The following ARHGAP29 variants were observed in gnomAD, a reference collection of about 807,000 sequenced individuals.
ARHGAP29 encodes the protein Rho GTPase activating protein 29.
ARHGAP29 carries 43 observed loss-of-function variants against 122.6 expected under a neutral mutation model. That is an observed-to-expected ratio of 0.35 (90% CI 0.27 to 0.45). The LOEUF (loss-of-function observed/expected upper bound fraction) is 0.45, where lower values mean the gene tolerates loss of function less well. Ranked by LOEUF, ARHGAP29 falls within the 20% of genes least tolerant of loss-of-function variation. ARHGAP29 has a pLI of 1.00. For missense variants in ARHGAP29, 1,303 were observed against 1,477.2 expected, an observed-to-expected ratio of 0.88 and a Z score of 1.93; for synonymous variants, 506 against 497.1, an observed-to-expected ratio of 1.02 and a Z score of -0.24.
chr1:94,200,702 A>G (rs980843564), intron 12 of ARHGAP29, among the ~76,000 whole-genome samples: 2 of 152,238 alleles, frequency 1.3e-5, no homozygotes, highest in Non-Finnish European at 2.9e-5. Flanking sequence ...ATTCTGCAAT[A>G]AAAAGAAACA....
At chr1:94,179,703 T>C in intron 20 of ARHGAP29, 22 bp downstream of exon 20, 1 of 1,475,982 alleles carries the variant, frequency 6.8e-7, no homozygotes, top group Non-Finnish European at 9.3e-7. Context: ...TAATAAATGT[T>C]CTAGTTATAT....
At chr1:94,223,924 C>G (rs1403127700) in intron 2 of ARHGAP29, among the ~76,000 whole-genome samples, 2 of 152,060 alleles carry the variant, frequency 1.3e-5, no homozygotes, top group African/African-American at 4.8e-5. Flanking sequence ...TCTTCTGCCT[C>G]AGCCTCCCAA....
chr1:94,212,746 C>T (rs1651721672), intron 3 of ARHGAP29, among the ~76,000 whole-genome samples: 1 of 152,128 alleles, frequency 6.6e-6, no homozygotes, highest in African/African-American at 2.4e-5. Context: ...ATTCCTATTC[C>T]TAATGCCTTG....
the ARHGAP29 span, among the ~76,000 whole-genome samples, chr1:94,314,473 T>C: frequency 1.3e-5 from 2 of 152,188 alleles, no homozygotes; most frequent in Non-Finnish European, 2.9e-5. Context: ...CAGGTCTTTC[T>C]CATTTATAAC....
chr1:94,194,285 T>C (rs1281908148), intron 12 of ARHGAP29: 1 of 152,210 alleles, frequency 6.6e-6, no homozygotes, highest in Non-Finnish European at 1.5e-5. Flanking sequence ...TTCAGGTAAC[T>C]AGTAATCTCA....
chr1:94,303,916 G>A, the ARHGAP29 span, among the ~76,000 whole-genome samples: 1 of 152,134 alleles, frequency 6.6e-6, no homozygotes, highest in Non-Finnish European at 1.5e-5. Context: ...TTTAAATATT[G>A]CTTTGATTAT....
At chr1:94,206,822 G>C (rs1286985098) in intron 5 of ARHGAP29, among the ~76,000 whole-genome samples, 2 of 149,274 alleles carry the variant, frequency 1.3e-5, no homozygotes, top group Non-Finnish European at 3.0e-5. Context: ...TTTGAAATTA[G>C]AAGATGGAGG....
intron 1 of ARHGAP29, among the ~76,000 whole-genome samples, chr1:94,252,213 A>G (rs1654124015): frequency 6.6e-6 from 1 of 152,202 alleles, no homozygotes. Context: ...TGACTTCACC[A>G]AATCTTTATC....
At position 94,174,220 on chromosome 1, in the gene ARHGAP29, A is replaced by G; in HGVS notation, c.3435T>C (p.Asp1145=). ...CTCTGACAGGAGCGAGAGGGTAGGA[A>G]TCTGAAGACCGTCTCTCAGATGCCT... ...VREASERRSS[D]SYPLAPVRAP... The change falls in exon 23 of 23, where the codon GAT becomes GAC. Residue 1145 remains aspartate (D), a synonymous_variant. Coordinates refer to ENST00000260526, the MANE Select transcript of ARHGAP29 (RefSeq NM_004815.4). The G allele has an allele frequency of 6.2e-7, 1 of 1,614,192 alleles. No homozygotes were observed.
chr1:94,181,085 A>G (rs148215639), intron 19 of ARHGAP29, among the ~76,000 whole-genome samples: 1 of 152,212 alleles, frequency 6.6e-6, no homozygotes, highest in Non-Finnish European at 1.5e-5. Context: ...CAGGACTGAG[A>G]GAATAGGAGA....
chr1:94,174,862 A>G, intron 22 of ARHGAP29, 113 bp from the exon 23 acceptor site: 1 of 1,195,538 alleles, frequency 8.4e-7, no homozygotes, highest in Non-Finnish European at 1.2e-6. Context: ...TATTTTTTCC[A>G]AAATAATATT....
the ARHGAP29 span, among the ~76,000 whole-genome samples, chr1:94,312,355 GT>G: frequency 0.09 from 8,029 of 88,770 alleles, 159 homozygotes; most frequent in African/African-American, 0.14. Context: ...ATTTTTATTT[GT>G]TTTTTTTTTT....
the ARHGAP29 span, among the ~76,000 whole-genome samples, chr1:94,297,991 G>A: frequency 6.6e-6 from 1 of 152,172 alleles, no homozygotes; most frequent in African/African-American, 2.4e-5. Context: ...CTCCTTCTGA[G>A]AAAGCTATCG....
At chr1:94,291,176 C>T in the ARHGAP29 span, among the ~76,000 whole-genome samples, 1 of 152,158 alleles carries the variant, frequency 6.6e-6, no homozygotes, top group East Asian at 1.9e-4. Flanking sequence ...TATGTAATGG[C>T]CTTCTTTGTC....
chr1:94,289,741 T>C, the ARHGAP29 span, among the ~76,000 whole-genome samples: 1 of 152,184 alleles, frequency 6.6e-6, no homozygotes, highest in Non-Finnish European at 1.5e-5. Flanking sequence ...CTGCATCTAT[T>C]GAGATAATCA....
At chr1:94,245,867 T>C (rs1011762220) in intron 1 of ARHGAP29, among the ~76,000 whole-genome samples, 5 of 152,332 alleles carry the variant, frequency 3.3e-5, no homozygotes, top group Admixed American at 1.3e-4. Flanking sequence ...GTGGTTATAC[T>C]AACCCCCGGG....
chr1:94,205,024 T>C (rs1164169789), intron 7 of ARHGAP29, 37 bp downstream of exon 7: 1 of 1,498,462 alleles, frequency 6.7e-7, no homozygotes, highest in East Asian at 2.4e-5. Context: ...AACTTAATTA[T>C]TATACTCTAA....
intron 1 of ARHGAP29, among the ~76,000 whole-genome samples, chr1:94,264,940 C>T (rs1654703806): frequency 6.6e-6 from 1 of 152,218 alleles, no homozygotes; most frequent in South Asian, 2.1e-4. Context: ...TGGTGACTCC[C>T]TTTCACTTTG....
Position 94,179,655 on chromosome 1 carries a change from T to C in ARHGAP29, c.2480+70A>G, listed in dbSNP as rs1570486530. ...AAAGTAAATTTTGTTATGTGGATTTTACCACAATTAAAAACAAAAAACAAA... is the reference window on the plus strand; with the variant it reads ...AAAGTAAATTTTGTTATGTGGATTTCACCACAATTAAAAACAAAAAACAAA... On this transcript the variant is annotated intron_variant, in intron 20 of 22. Transcript: ENST00000260526. The C allele has an allele frequency of 3.0e-6, 3 of 1,011,712 alleles. No individual in the cohort carries two copies. In the East Asian group the frequency reaches 7.6e-5, roughly 26 times the overall value. The allele number at this position is 1,011,712 out of a possible 1,614,324, so 62.7% of individuals were successfully genotyped here.
Sources: gnomAD v4.1 joint callset for allele counts (sites outside exome capture counted in the v4.1 genomes callset) on GRCh38, gnomAD v4.1.1 for gene constraint, MANE v1.5 for transcripts, NCBI Gene and HGNC (gene_info 2026-07-23, HGNC 2026-07-21) for gene names.